DMD: variants seen among roughly 807,000 people sequenced by gnomAD.
The protein encoded by DMD is mutant dystrophin.
Under a neutral mutation model 330.1 loss-of-function variants are expected in DMD, and 63 were observed. The ratio of observed to expected loss-of-function variants is 0.19; its 90% CI spans 0.16 to 0.24. The LOEUF is 0.24. DMD is among the 10% of genes least tolerant of loss of function. DMD has a pLI of 1.00. For missense variants in DMD, 3,344 were observed against 2,684.1 expected, an observed-to-expected ratio of 1.25 and a Z score of -5.43; for synonymous variants, 1,223 against 959.8, an observed-to-expected ratio of 1.27 and a Z score of -5.07.
At chrX:32,298,514 C>CATATATATATATATATATATATATAT (rs57786574) in intron 42 of DMD, among the ~76,000 whole-genome samples, 38 of 104,508 alleles carry the variant, frequency 3.6e-4, no homozygotes, top group African/African-American at 1.4e-3. Flanking sequence ...ATATAAAAGG[C>CATATATATATATATATATATATATAT]ATATATATAT....
intron 63 of DMD, among the ~76,000 whole-genome samples, chrX:31,249,125 G>C (rs2049102064): frequency 8.9e-6 from 1 of 111,989 alleles, no homozygotes; most frequent in South Asian, 3.7e-4. Flanking sequence ...AAAAACCTTA[G>C]TATAAAAAAC....
Position 31,845,419 on chromosome X carries a change from CT to C in DMD, c.7099-8601del, listed in dbSNP as rs1290093221. Among the ~76,000 whole-genome samples, 334 of 94,914 alleles carry C rather than the reference CT, an allele frequency of 3.5e-3. 1 individual carries two copies. Among genetic ancestry groups the C allele is most frequent in the Non-Finnish European group, 5.6e-3 (265 of 47,285 alleles). 82.4% of individuals were successfully genotyped at this position (94,914 alleles called of 115,157 possible). A position where few individuals can be genotyped will look rare whatever the true frequency, so the allele number is the denominator to read the frequency against. ...TCTCTCTCTCTCTCTCTCTCTCTCTCTCTCTCCCTCTCCTCCCGTCCCTCTC... is the reference window on the plus strand; with the variant it reads ...TCTCTCTCTCTCTCTCTCTCTCTCTCCTCTCCCTCTCCTCCCGTCCCTCTC... On this transcript the variant is annotated intron_variant, in intron 48 of 78. Transcript: ENST00000357033.
intron 44 of DMD, among the ~76,000 whole-genome samples, chrX:32,056,931 A>C (rs2096180624): frequency 9.0e-6 from 1 of 111,529 alleles, no homozygotes; most frequent in African/African-American, 3.3e-5. Context: ...AGAGCCATAT[A>C]GGATTTATTC....
At chrX:32,565,354 G>A (rs966183062) in intron 16 of DMD, among the ~76,000 whole-genome samples, 5 of 111,461 alleles carry the variant, frequency 4.5e-5, no homozygotes, top group African/African-American at 1.3e-4. Context: ...AGAGTAAAAC[G>A]GAGTTGGCTA....
intron 2 of DMD, among the ~76,000 whole-genome samples, chrX:33,000,532 T>G (rs978329751): frequency 1.8e-5 from 2 of 111,829 alleles, no homozygotes; most frequent in African/African-American, 6.5e-5. Context: ...CCTTCCTGAC[T>G]TAGTCAGAAT....
At chrX:31,772,784 T>C (rs867822797) in intron 51 of DMD, among the ~76,000 whole-genome samples, 1 of 112,020 alleles carries the variant, frequency 8.9e-6, no homozygotes, top group African/African-American at 3.2e-5. Context: ...AATTACTTTT[T>C]TTAAAGCAGA....
chrX:33,190,986 AT>A (rs1369509039), intron 1 of DMD, among the ~76,000 whole-genome samples: 6 of 1,592 alleles, frequency 3.8e-3, no homozygotes, highest in East Asian at 0.11. Flanking sequence ...TATTATATAT[AT>A]ATATATAATA....
chrX:33,254,454 T>G (rs2052822428), intron 1 of DMD, among the ~76,000 whole-genome samples: 1 of 110,677 alleles, frequency 9.0e-6, no homozygotes, highest in Non-Finnish European at 1.9e-5. Context: ...GGTTAGCAAA[T>G]TTTTGAATGT....
At chrX:31,729,476 T>C (rs2086333256) in intron 52 of DMD, among the ~76,000 whole-genome samples, 155 bp downstream of exon 52, 2 of 112,694 alleles carry the variant, frequency 1.8e-5, no homozygotes, top group Non-Finnish European at 3.7e-5. Context: ...TATTAAAAGG[T>C]AACATTATGG....
At chrX:33,233,236 CA>C (rs1198943288) in intron 1 of DMD, among the ~76,000 whole-genome samples, 1 of 111,458 alleles carries the variant, frequency 9.0e-6, no homozygotes, top group African/African-American at 3.3e-5. Context: ...AAATAAACGA[CA>C]ACATCAATAC....
intron 60 of DMD, among the ~76,000 whole-genome samples, chrX:31,360,665 G>C (rs2058890890): frequency 8.9e-6 from 1 of 112,137 alleles, no homozygotes; most frequent in Admixed American, 9.4e-5. Flanking sequence ...GGAGGAGATG[G>C]ATAAAAATCA....
At chrX:31,714,142 A>G (rs535929087) in intron 52 of DMD, among the ~76,000 whole-genome samples, 1 of 111,765 alleles carries the variant, frequency 8.9e-6, no homozygotes, top group East Asian at 2.8e-4. Flanking sequence ...GTGAAAATTT[A>G]TTTAGGAAGC....
At chrX:31,510,793 G>A (rs1190048124) in intron 55 of DMD, among the ~76,000 whole-genome samples, 6 of 110,970 alleles carry the variant, frequency 5.4e-5, no homozygotes, top group African/African-American at 1.6e-4. Flanking sequence ...ACAGGCGTGA[G>A]CCACCACACC....
chrX:31,938,263 A>G (rs928744562), intron 45 of DMD, among the ~76,000 whole-genome samples: 3 of 111,331 alleles, frequency 2.7e-5, no homozygotes, highest in Admixed American at 1.9e-4. Flanking sequence ...TATGCTTTCA[A>G]TGAAGAAACT....
intron 55 of DMD, among the ~76,000 whole-genome samples, chrX:31,524,661 C>T (rs929038583): frequency 2.7e-5 from 3 of 111,829 alleles, no homozygotes; most frequent in African/African-American, 9.8e-5. Context: ...CATGAACATG[C>T]GTTAGACTTC....
intron 45 of DMD, among the ~76,000 whole-genome samples, chrX:31,967,400 T>A (rs908079623): frequency 2.8e-5 from 3 of 107,784 alleles, no homozygotes; most frequent in African/African-American, 1.0e-4. Context: ...ATGAATTGTA[T>A]CTACTTTCTG....
At chrX:32,378,051 T>A (rs2097910878) in intron 34 of DMD, among the ~76,000 whole-genome samples, 2 of 110,981 alleles carry the variant, frequency 1.8e-5, no homozygotes, top group Non-Finnish European at 3.8e-5. Context: ...TGTTATCACC[T>A]TTATGACCCT....
intron 55 of DMD, among the ~76,000 whole-genome samples, chrX:31,614,255 G>C (rs755889008): frequency 8.9e-5 from 10 of 112,056 alleles, no homozygotes; most frequent in Non-Finnish European, 1.9e-4. Flanking sequence ...TTGAATTGTT[G>C]AATTGGGAGC....
Position 31,890,081 on chromosome X carries a change from TA to T in DMD, c.6913-14709del, listed in dbSNP as rs1341620883. ...TAAAATTTGGTTTCTTAATAGAATT[TA>T]AAAAAAAAAAACAGTCTCCTTCTTT... On this transcript the variant is annotated intron_variant, in intron 47 of 78. Transcript: ENST00000357033. Among the ~76,000 whole-genome samples the T allele has an allele frequency of 5.5e-3, 553 of 101,291 alleles. 3 individuals carry two copies. The highest frequency in any genetic ancestry group is 0.015 in the African/African-American group (427 of 28,042). The allele number at this position is 101,291 out of a possible 115,157, so 88.0% of individuals were successfully genotyped here.
Sources: gnomAD v4.1 joint callset for allele counts (sites outside exome capture counted in the v4.1 genomes callset) on GRCh38, gnomAD v4.1.1 for gene constraint, MANE v1.5 for transcripts, NCBI Gene and HGNC (gene_info 2026-07-23, HGNC 2026-07-21) for gene names.